The following MRPS5 variants were observed in gnomAD, a reference collection of about 807,000 sequenced individuals.
MRPS5 encodes the protein mitochondrial ribosomal protein S5.
MRPS5 carries 27 observed loss-of-function variants against 51.9 expected under a neutral mutation model. That is an observed-to-expected ratio of 0.52 (90% CI 0.38 to 0.72). The LOEUF (loss-of-function observed/expected upper bound fraction) is 0.72. MRPS5 is among the 30% of genes least tolerant of loss of function. MRPS5 has a pLI of 0.00. For missense variants in MRPS5, 570 were observed against 545.7 expected, an observed-to-expected ratio of 1.04 and a Z score of -0.44; for synonymous variants, 196 against 193.2, an observed-to-expected ratio of 1.01 and a Z score of -0.12.
At chr2:95,093,329 T>TG (rs1407096596) in intron 10 of MRPS5, 1 of 152,360 alleles carries the variant, frequency 6.6e-6, no homozygotes, top group Non-Finnish European at 1.5e-5. Context: ...TAAACGTCCC[T>TG]GTCTGACAGC....
chr2:95,100,969 TA>T (rs1331165519), intron 8 of MRPS5, 75 bp from the exon 9 acceptor site: 5 of 1,290,000 alleles, frequency 3.9e-6, no homozygotes, highest in Admixed American at 4.8e-5. Flanking sequence ...ACACTTTTAA[TA>T]AAAATGTTTC....
intron 10 of MRPS5, among the ~76,000 whole-genome samples, chr2:95,095,769 G>A (rs886371747): frequency 5.3e-5 from 8 of 151,974 alleles, no homozygotes; most frequent in South Asian, 2.1e-4. Context: ...ATCTAAAATC[G>A]ACACCCTAAC....
At chr2:95,117,688 C>G (rs1436933662) in intron 2 of MRPS5, among the ~76,000 whole-genome samples, 177 bp downstream of exon 2, 2 of 151,054 alleles carry the variant, frequency 1.3e-5, no homozygotes, top group African/African-American at 4.9e-5. Context: ...TCTTCAGAAC[C>G]TATGTAATCG....
intron 9 of MRPS5, 77 bp downstream of exon 9, chr2:95,100,760 A>G (rs1675771531): frequency 8.9e-7 from 1 of 1,125,434 alleles, no homozygotes; most frequent in Non-Finnish European, 1.3e-6. Context: ...AAAGATACCT[A>G]TAGAGATACA....
At chr2:95,101,077 C>T (rs1675787368) in intron 8 of MRPS5, among the ~76,000 whole-genome samples, 183 bp from the exon 9 acceptor site, 1 of 151,956 alleles carries the variant, frequency 6.6e-6, no homozygotes, top group African/African-American at 2.4e-5. Context: ...CACTATCACC[C>T]CTAAAAAAAT....
At chr2:95,104,589 C>T (rs778981168) in intron 7 of MRPS5, 51 bp downstream of exon 7, 6 of 1,583,772 alleles carry the variant, frequency 3.8e-6, no homozygotes, top group South Asian at 3.3e-5. Context: ...GCCCGTGCCA[C>T]GCCTTTCCCT....
intron 6 of MRPS5, 41 bp downstream of exon 6, chr2:95,106,377 CAACCT>C: frequency 7.1e-7 from 1 of 1,413,690 alleles, no homozygotes; most frequent in Non-Finnish European, 1.0e-6. Flanking sequence ...CCACCCACCC[CAACCT>C]CTCCAAAGGC....
chr2:95,093,944 A>G (rs189552381), intron 10 of MRPS5, among the ~76,000 whole-genome samples: 1 of 152,362 alleles, frequency 6.6e-6, no homozygotes, highest in East Asian at 1.9e-4. Flanking sequence ...TCCAAGTTAA[A>G]GGAGAATGTT....
At chr2:95,105,546 A>G (rs1054202320) in intron 6 of MRPS5, among the ~76,000 whole-genome samples, 4 of 146,564 alleles carry the variant, frequency 2.7e-5, no homozygotes, top group South Asian at 2.2e-4. Context: ...TCCACCTCAG[A>G]AAAAAAAAAA....
At chr2:95,121,676 G>A in intron 1 of MRPS5, 58 bp downstream of exon 1, 2 of 1,504,306 alleles carry the variant, frequency 1.3e-6, no homozygotes, top group South Asian at 2.4e-5. Flanking sequence ...CAGGCCCCAG[G>A]CGAGCCCCCC....
Position 95,108,310 on chromosome 2 carries a change from C to T in MRPS5, c.502G>A (p.Val168Met), listed in dbSNP as rs573121793. Reference protein sequence around the residue: ...AQRSKEEQEKVEADMIQQREE... With the variant: ...AQRSKEEQEKMEADMIQQREE... ...CTCTGCTGGATCATGTCTGCCTCCA[C>T]CTTCTCCTGCTCTTCCTTGCTTCTT... Residue 168 changes from valine (V) to methionine (M), a missense_variant, in exon 5 of 12, where the codon GTG becomes ATG. Physicochemically the swap from Val to Met is conservative, Grantham distance 21. Coordinates refer to ENST00000272418, the MANE Select transcript of MRPS5 (RefSeq NM_031902.5). 1.9e-6 allele frequency: 3 copies of T among 1,614,198 alleles called. No homozygotes were observed. The African/African-American group carries it at 4.0e-5, about 22-fold the overall frequency.
At chr2:95,114,243 T>G (rs1241377146) in intron 3 of MRPS5, among the ~76,000 whole-genome samples, 1 of 151,978 alleles carries the variant, frequency 6.6e-6, no homozygotes, top group Non-Finnish European at 1.5e-5. Context: ...TGAATTGCCT[T>G]TATAATCCTA....
chr2:95,114,120 C>CAAAAAAAA, intron 3 of MRPS5, among the ~76,000 whole-genome samples: 1 of 43,022 alleles, frequency 2.3e-5, no homozygotes, highest in Non-Finnish European at 3.9e-5. Context: ...CTCCATCTCC[C>CAAAAAAAA]AAAAAAAAAA....
chr2:95,110,680 T>C (rs1200397199), intron 3 of MRPS5, among the ~76,000 whole-genome samples: 1 of 152,152 alleles, frequency 6.6e-6, no homozygotes, highest in Non-Finnish European at 1.5e-5. Flanking sequence ...CATGTGCCCA[T>C]GGTCCCAGCT....
intron 5 of MRPS5, among the ~76,000 whole-genome samples, chr2:95,106,896 C>T (rs1432644655): frequency 6.6e-6 from 1 of 152,114 alleles, no homozygotes; most frequent in Non-Finnish European, 1.5e-5. Flanking sequence ...CACTCCTGAC[C>T]TGCTGGGTGC....
At chr2:95,110,838 C>T (rs1374179062) in intron 3 of MRPS5, among the ~76,000 whole-genome samples, 1 of 151,992 alleles carries the variant, frequency 6.6e-6, no homozygotes, top group African/African-American at 2.4e-5. Flanking sequence ...AATAAAGAAT[C>T]GGAACCACAA....
intron 5 of MRPS5, among the ~76,000 whole-genome samples, chr2:95,107,225 C>T (rs1675975961): frequency 6.6e-6 from 1 of 152,164 alleles, no homozygotes; most frequent in African/African-American, 2.4e-5. Flanking sequence ...TAATTTGAAG[C>T]CAGTTTCAGA....
chr2:95,088,310 T>TA lies in MRPS5; in HGVS notation c.1069-730_1069-729insT, dbSNP rs148242365. Reference sequence around the variant, plus strand: ...TAAAATATTTAGGGTTGAAATAAAATGTCTGAGATTTGGTTCAAAATAACT... The same window carrying TA: ...TAAAATATTTAGGGTTGAAATAAAATAGTCTGAGATTTGGTTCAAAATAACT... On this transcript the variant is annotated intron_variant, in intron 11 of 11. Coordinates refer to ENST00000272418, the MANE Select transcript of MRPS5 (RefSeq NM_031902.5). Among the ~76,000 whole-genome samples, 648 of 152,296 alleles carry TA rather than the reference T, an allele frequency of 4.3e-3. 12 individuals are homozygous for TA. The highest frequency in any genetic ancestry group is 0.015 in the African/African-American group (620 of 41,546).
chr2:95,106,940 G>A (rs985498629), intron 5 of MRPS5, among the ~76,000 whole-genome samples: 2 of 152,044 alleles, frequency 1.3e-5, no homozygotes, highest in African/African-American at 4.8e-5. Flanking sequence ...CATACACAGG[G>A]CCCACTAAAA....
Sources: allele counts gnomAD v4.1 joint callset (sites outside exome capture counted in the v4.1 genomes callset), GRCh38; gene constraint gnomAD v4.1.1; transcripts MANE v1.5; gene names NCBI Gene and HGNC (gene_info 2026-07-23, HGNC 2026-07-21).